Variants in HMBOX1 observed in about 807,000 individuals in gnomAD.
The protein encoded by HMBOX1 is homeobox-containing protein 1.
HMBOX1 carries 14 observed loss-of-function variants against 54.5 expected under a neutral mutation model. That is an observed-to-expected ratio of 0.26 (90% CI 0.17 to 0.40). The LOEUF (loss-of-function observed/expected upper bound fraction) is 0.40. Ranked by LOEUF, HMBOX1 falls within the 10% of genes least tolerant of loss-of-function variation. The probability of loss-of-function intolerance (pLI) is 1.00; values close to 1 mark genes in which losing one functional copy is unlikely to be tolerated. For synonymous variants in HMBOX1, 160 were observed against 181.0 expected (o/e 0.88, Z 0.93); for missense variants, 332 against 514.4 (o/e 0.65, Z 3.43).
intron 4 of HMBOX1, among the ~76,000 whole-genome samples, chr8:28,987,745 A>G (rs910843107): frequency 1.8e-4 from 28 of 152,160 alleles, no homozygotes; most frequent in Admixed American, 1.8e-3. Context: ...TGCACTAACC[A>G]AACTACAGCT....
At chr8:29,010,305 A>T (rs2132856804) in intron 5 of HMBOX1, 1 of 312,646 alleles carries the variant, frequency 3.2e-6, no homozygotes, top group South Asian at 1.3e-4. Flanking sequence ...CACGCCTGTA[A>T]TCCCAACACT....
In HMBOX1 at chr8:29,053,108, C is replaced by T. The variant is rs1806589180; in HGVS notation, c.*1953C>T. 1 of 152,562 alleles carries T rather than the reference C, an allele frequency of 6.6e-6. No individual in the cohort carries two copies. The highest frequency in any genetic ancestry group is 2.1e-4 in the South Asian group (1 of 4,826). 9.5% of individuals were successfully genotyped at this position (152,562 alleles called of 1,614,324 possible). A position where few individuals can be genotyped will look rare whatever the true frequency, so the allele number is the denominator to read the frequency against. On this transcript the variant is annotated 3_prime_UTR_variant, in exon 10 of 10. Transcript: ENST00000287701. ...CTGCATCATTTCCTTATCTGTTAAT[C>T]CTGCTTATGTGAGTGTGAGGAAAGT...
intron 1 of HMBOX1, among the ~76,000 whole-genome samples, chr8:28,919,395 A>T (rs1029704125): frequency 3.3e-5 from 5 of 152,238 alleles, no homozygotes; most frequent in African/African-American, 1.2e-4. Context: ...TTTTGACTGC[A>T]TAAAATGATT....
chr8:28,922,711 T>C (rs1299484987), intron 1 of HMBOX1, among the ~76,000 whole-genome samples: 2 of 152,208 alleles, frequency 1.3e-5, no homozygotes, highest in African/African-American at 4.8e-5. Context: ...TAATCTGTAA[T>C]GGAGACTTTG....
chr8:28,989,945 A>G lies in HMBOX1; in HGVS notation c.586+9789A>G, dbSNP rs572631123. Among the ~76,000 whole-genome samples, 3 of 152,122 alleles carry G rather than the reference A, an allele frequency of 2.0e-5. No homozygotes were observed. The South Asian group carries it at 6.2e-4, about 32-fold the overall frequency. On this transcript the variant is annotated intron_variant, in intron 4 of 9. Coordinates refer to ENST00000287701, the MANE Select transcript of HMBOX1 (RefSeq NM_001135726.3). ...CATAAAATTCCTCTCTAAATATTTTATATTTTTATTGCTATTATATTGGTA... is the reference window on the plus strand; with the variant it reads ...CATAAAATTCCTCTCTAAATATTTTGTATTTTTATTGCTATTATATTGGTA...
At chr8:28,918,949 C>G (rs1817063306) in intron 1 of HMBOX1, among the ~76,000 whole-genome samples, 2 of 152,124 alleles carry the variant, frequency 1.3e-5, no homozygotes, top group Non-Finnish European at 2.9e-5. Flanking sequence ...ACTATAGCAA[C>G]TTTTAAAGTA....
chr8:28,979,944 C>T, intron 3 of HMBOX1, 127 bp from the exon 4 acceptor site: 1 of 676,936 alleles, frequency 1.5e-6, no homozygotes, highest in South Asian at 1.7e-5. Context: ...CAAGTTTGGT[C>T]TGTTTACCCT....
At chr8:29,006,342 T>C (rs961620186) in intron 4 of HMBOX1, among the ~76,000 whole-genome samples, 1 of 152,132 alleles carries the variant, frequency 6.6e-6, no homozygotes, top group Non-Finnish European at 1.5e-5. Flanking sequence ...TTGGGGGCTA[T>C]TATGGAAATG....
chr8:29,031,409 G>A (rs1240276090), intron 6 of HMBOX1, among the ~76,000 whole-genome samples: 1 of 151,834 alleles, frequency 6.6e-6, no homozygotes, highest in Non-Finnish European at 1.5e-5. Context: ...ATAATGTTAA[G>A]CAAAAGAAGA....
chr8:28,945,445 T>C (rs1232315345), intron 1 of HMBOX1, among the ~76,000 whole-genome samples: 1 of 152,254 alleles, frequency 6.6e-6, no homozygotes, highest in African/African-American at 2.4e-5. Context: ...ATTACTTTGT[T>C]AACTATGTAT....
chr8:28,946,772 AC>A (rs1252919027), intron 1 of HMBOX1, among the ~76,000 whole-genome samples: 1 of 152,226 alleles, frequency 6.6e-6, no homozygotes, highest in African/African-American at 2.4e-5. Flanking sequence ...ACCTGTAGTT[AC>A]ATATAAATCC....
chr8:28,974,415 ATGTG>A (rs1277115831), intron 3 of HMBOX1, among the ~76,000 whole-genome samples: 1 of 152,164 alleles, frequency 6.6e-6, no homozygotes, highest in East Asian at 1.9e-4. Context: ...ATAGATACTA[ATGTG>A]TGTTTCATGT....
chr8:29,032,953 C>A (rs1312278145), intron 6 of HMBOX1, among the ~76,000 whole-genome samples: 1 of 152,040 alleles, frequency 6.6e-6, no homozygotes, highest in Non-Finnish European at 1.5e-5. Context: ...TTAAAGTGAT[C>A]CAATCAAAAT....
intron 1 of HMBOX1, among the ~76,000 whole-genome samples, chr8:28,954,841 C>T (rs1427749638): frequency 6.6e-6 from 1 of 152,168 alleles, no homozygotes; most frequent in Non-Finnish European, 1.5e-5. Flanking sequence ...GACCAGCTTA[C>T]CTTTCATTTT....
intron 1 of HMBOX1, among the ~76,000 whole-genome samples, chr8:28,892,034 C>T (rs1371685611): frequency 6.6e-6 from 1 of 152,098 alleles, no homozygotes; most frequent in South Asian, 2.1e-4. Context: ...TCCTTTCTTT[C>T]TTGGCTTCGT....
At chr8:28,905,698 T>C (rs1301889193) in intron 1 of HMBOX1, among the ~76,000 whole-genome samples, 4 of 152,240 alleles carry the variant, frequency 2.6e-5, no homozygotes, top group Non-Finnish European at 4.4e-5. Flanking sequence ...CAAGGGCTGC[T>C]ACCAGCTGGC....
intron 1 of HMBOX1, among the ~76,000 whole-genome samples, chr8:28,932,048 T>C (rs527940315): frequency 6.6e-6 from 1 of 152,290 alleles, no homozygotes; most frequent in Admixed American, 6.5e-5. Flanking sequence ...ATTTTAAACT[T>C]AGGGGCTCAA....
chr8:28,966,661 T>G (rs1826491822), intron 2 of HMBOX1, among the ~76,000 whole-genome samples: 1 of 152,184 alleles, frequency 6.6e-6, no homozygotes, highest in African/African-American at 2.4e-5. Flanking sequence ...TAATACACAT[T>G]GGAACATTAT....
intron 1 of HMBOX1, among the ~76,000 whole-genome samples, chr8:28,935,430 C>T (rs1160870800): frequency 2.0e-5 from 3 of 152,012 alleles, no homozygotes; most frequent in African/African-American, 4.8e-5. Flanking sequence ...TAATTTTTGG[C>T]GAATATGCTA....
Sources: gnomAD v4.1 joint callset for allele counts (sites outside exome capture counted in the v4.1 genomes callset) on GRCh38, gnomAD v4.1.1 for gene constraint, MANE v1.5 for transcripts, NCBI Gene and HGNC (gene_info 2026-07-23, HGNC 2026-07-21) for gene names.